The following LYPD6B variants were observed in gnomAD, a reference collection of about 807,000 sequenced individuals.
LYPD6B encodes the protein LY6/PLAUR domain containing 6B.
In LYPD6B, 17 loss-of-function variants were observed where a neutral mutation model predicts 22.8. That is an observed-to-expected ratio of 0.75 (90% CI 0.51 to 1.12). LYPD6B has a LOEUF of 1.12. Among genes scored for constraint, LYPD6B ranks in the 50% most tolerant of loss-of-function variants. The probability of loss-of-function intolerance (pLI) is 0.00; values close to 1 mark genes in which losing one functional copy is unlikely to be tolerated. For missense variants in LYPD6B, 221 were observed against 258.3 expected (o/e 0.86, Z 0.99); for synonymous variants, 106 against 91.6 (o/e 1.16, Z -0.90).
At chr2:149,195,967 A>G (rs1692780088) in intron 3 of LYPD6B, among the ~76,000 whole-genome samples, 1 of 152,178 alleles carries the variant, frequency 6.6e-6, no homozygotes, top group South Asian at 2.1e-4. Flanking sequence ...GTGCCTCCAG[A>G]GGCCGGTTTC....
At chr2:149,212,013 GA>G (rs1442300411) in intron 5 of LYPD6B, among the ~76,000 whole-genome samples, 2 of 151,398 alleles carry the variant, frequency 1.3e-5, no homozygotes, top group Non-Finnish European at 2.9e-5. Flanking sequence ...AAAAGAGGAG[GA>G]AAAAAAATGG....
intron 1 of LYPD6B, among the ~76,000 whole-genome samples, chr2:149,078,326 T>C (rs1226014858): frequency 2.0e-5 from 3 of 152,210 alleles, no homozygotes; most frequent in Non-Finnish European, 4.4e-5. Flanking sequence ...ATTCATGAAA[T>C]GTTCTGTACA....
intron 3 of LYPD6B, among the ~76,000 whole-genome samples, chr2:149,174,726 A>G (rs1691131069): frequency 6.9e-6 from 1 of 145,500 alleles, no homozygotes; most frequent in Middle Eastern, 3.5e-3. Context: ...CATCCTAGGG[A>G]TGAAGTCTGT....
chr2:149,044,695 G>A (rs1484089572), intron 1 of LYPD6B, among the ~76,000 whole-genome samples: 2 of 152,008 alleles, frequency 1.3e-5, no homozygotes, highest in African/African-American at 2.4e-5. Flanking sequence ...TCATGGAGCA[G>A]GCAGCAATAA....
At chr2:149,177,634 A>T (rs926386763) in intron 3 of LYPD6B, among the ~76,000 whole-genome samples, 1 of 152,192 alleles carries the variant, frequency 6.6e-6, no homozygotes, top group Non-Finnish European at 1.5e-5. Context: ...ATTGGAGTAG[A>T]TGGCTAATGC....
At chr2:149,039,335 G>A (rs1372881107) in intron 1 of LYPD6B, among the ~76,000 whole-genome samples, 1 of 152,190 alleles carries the variant, frequency 6.6e-6, no homozygotes, top group East Asian at 1.9e-4. Flanking sequence ...CTTACACATT[G>A]GTTAGTTACC....
At chr2:149,112,836 C>A (rs763397670) in intron 1 of LYPD6B, among the ~76,000 whole-genome samples, 8 of 152,018 alleles carry the variant, frequency 5.3e-5, no homozygotes, top group Admixed American at 1.3e-4. Context: ...GTGTTTGGTT[C>A]TAGGTGATGG....
intron 1 of LYPD6B, among the ~76,000 whole-genome samples, chr2:149,082,489 C>T (rs755288141): frequency 6.6e-6 from 1 of 152,148 alleles, no homozygotes; most frequent in Non-Finnish European, 1.5e-5. Flanking sequence ...TAGAGAAGTT[C>T]TTCCCACCCC....
intron 3 of LYPD6B, among the ~76,000 whole-genome samples, chr2:149,196,005 C>T (rs561569553): frequency 1.3e-5 from 2 of 152,204 alleles, no homozygotes; most frequent in Non-Finnish European, 2.9e-5. Flanking sequence ...AGCATTTACA[C>T]TTGACTTTAC....
At chr2:149,159,625 T>TGTGC (rs70994559) in intron 2 of LYPD6B, among the ~76,000 whole-genome samples, 1 of 147,336 alleles carries the variant, frequency 6.8e-6, no homozygotes, top group Admixed American at 6.8e-5. Flanking sequence ...TGTGTGTGTG[T>TGTGC]ATAGAAAGAG....
chr2:149,149,811 A>G (rs1689255175), intron 2 of LYPD6B, among the ~76,000 whole-genome samples: 1 of 152,150 alleles, frequency 6.6e-6, no homozygotes, highest in Non-Finnish European at 1.5e-5. Flanking sequence ...CTTTATCTCC[A>G]TGCAACCTCT....
At chr2:149,136,876 A>AGATT (rs1198387553) in intron 2 of LYPD6B, among the ~76,000 whole-genome samples, 10 of 152,242 alleles carry the variant, frequency 6.6e-5, no homozygotes, top group African/African-American at 2.2e-4. Flanking sequence ...GAAGGAAAGA[A>AGATT]GATTGATTGG....
At chr2:149,169,571 AAG>A (rs1046288243) in intron 3 of LYPD6B, among the ~76,000 whole-genome samples, 2 of 152,206 alleles carry the variant, frequency 1.3e-5, no homozygotes, top group African/African-American at 4.8e-5. Flanking sequence ...GGAGTGACCT[AAG>A]AGAGACAACC....
chr2:149,088,501 A>C (rs1685503776), intron 1 of LYPD6B, among the ~76,000 whole-genome samples: 1 of 152,288 alleles, frequency 6.6e-6, no homozygotes, highest in Admixed American at 6.5e-5. Context: ...TCTTTGGACC[A>C]AGGATTACCT....
chr2:149,043,756 T>A (rs560769287), intron 1 of LYPD6B, among the ~76,000 whole-genome samples: 12 of 152,256 alleles, frequency 7.9e-5, no homozygotes, highest in African/African-American at 2.9e-4. Flanking sequence ...GTTTCATGTT[T>A]TATGTTTTAC....
intron 1 of LYPD6B, among the ~76,000 whole-genome samples, chr2:149,046,923 G>A (rs1683333001): frequency 6.6e-6 from 1 of 152,094 alleles, no homozygotes; most frequent in African/African-American, 2.4e-5. Context: ...AGGCTTTGAG[G>A]CCATAGATGG....
chr2:149,105,370 T>C (rs1340675159), intron 1 of LYPD6B, among the ~76,000 whole-genome samples: 4 of 152,140 alleles, frequency 2.6e-5, no homozygotes, highest in Non-Finnish European at 4.4e-5. Flanking sequence ...GGGATTTTGA[T>C]TGTATGGTGT....
At chr2:149,188,735 G>C (rs1692290139) in intron 3 of LYPD6B, 12 of 947,582 alleles carry the variant, frequency 1.3e-5, no homozygotes, top group Non-Finnish European at 1.5e-5. Flanking sequence ...CAGAGAGGTA[G>C]TTTTAAACAT....
chr2:149,079,641 A>C (rs1685034620), intron 1 of LYPD6B, among the ~76,000 whole-genome samples: 2 of 152,238 alleles, frequency 1.3e-5, no homozygotes, highest in South Asian at 4.1e-4. Flanking sequence ...ATTTTCAGTA[A>C]CTACATTCTT....
Sources: allele counts gnomAD v4.1 joint callset (sites outside exome capture counted in the v4.1 genomes callset), GRCh38; gene constraint gnomAD v4.1.1; transcripts MANE v1.5; gene names NCBI Gene and HGNC (gene_info 2026-07-23, HGNC 2026-07-21).